Variants in ACTN2 observed in about 807,000 individuals in gnomAD.
ACTN2 encodes the protein alpha-actinin-2.
In ACTN2, 39 loss-of-function variants were observed where a neutral mutation model predicts 113.8. That is an observed-to-expected ratio of 0.34 (90% CI 0.27 to 0.45). The LOEUF is 0.45. Ranked by LOEUF, ACTN2 falls within the 20% of genes least tolerant of loss-of-function variation. ACTN2 has a pLI of 1.00. For synonymous variants in ACTN2, 429 were observed against 444.1 expected (o/e 0.97, Z 0.43); for missense variants, 992 against 1,177.9 (o/e 0.84, Z 2.31).
chr1:236,729,586 G>A (rs146952842), intron 6 of ACTN2, among the ~76,000 whole-genome samples: 1,623 of 152,182 alleles, frequency 0.011, 16 homozygotes, highest in Middle Eastern at 0.017. Flanking sequence ...CTTACCTCCT[G>A]CCCCCAGCCT....
At chr1:236,730,446 C>G (rs1658682427) in intron 6 of ACTN2, among the ~76,000 whole-genome samples, 1 of 152,050 alleles carries the variant, frequency 6.6e-6, no homozygotes, top group African/African-American at 2.4e-5. Context: ...ATTGAAATGA[C>G]TTTGTTATTA....
intron 10 of ACTN2, among the ~76,000 whole-genome samples, chr1:236,741,277 C>T (rs996565433): frequency 5.9e-5 from 9 of 151,436 alleles, no homozygotes; most frequent in Non-Finnish European, 1.3e-4. Context: ...TGGGCTCAAG[C>T]GATCCTCCCA....
At chr1:236,746,074 G>A (rs1299344174) in intron 12 of ACTN2, among the ~76,000 whole-genome samples, 5 of 150,008 alleles carry the variant, frequency 3.3e-5, no homozygotes, top group African/African-American at 7.4e-5. Context: ...GCTGAGGCAG[G>A]AGAATGGTGT....
intron 4 of ACTN2, among the ~76,000 whole-genome samples, chr1:236,724,254 G>C: frequency 6.6e-6 from 1 of 152,120 alleles, no homozygotes; most frequent in Non-Finnish European, 1.5e-5. Flanking sequence ...ACACTAATCC[G>C]ATCATGAGGG....
rs765471221 is a variant in ACTN2, at chr1:236,686,752, G to A, written c.79G>A (p.Asp27Asn). 6.4e-7 allele frequency: 1 copy of A among 1,551,722 alleles called. No individual in the cohort carries two copies. The highest frequency in any genetic ancestry group is 1.9e-5 in the Admixed American group (1 of 53,714). Residue 27 changes from aspartate to asparagine, a missense_variant, in exon 1 of 21, where the codon GAC becomes AAC. Coordinates refer to ENST00000366578, the MANE Select transcript of ACTN2 (RefSeq NM_001103.4). ...GTACATGATCCAGGAGGAGGAGTGGGACCGCGACCTGCTCCTGGACCCAGC... is the reference window on the plus strand; with the variant it reads ...GTACATGATCCAGGAGGAGGAGTGGAACCGCGACCTGCTCCTGGACCCAGC... ...DEYMIQEEEW[D>N]RDLLLDPAWE...
At chr1:236,744,473 C>G (rs1208332422) in intron 11 of ACTN2, among the ~76,000 whole-genome samples, 153 bp from the exon 12 acceptor site, 1 of 152,176 alleles carries the variant, frequency 6.6e-6, no homozygotes, top group African/African-American at 2.4e-5. Flanking sequence ...AGCCTGAATT[C>G]CATCACAACC....
At chr1:236,748,126 A>C (rs1415194958) in intron 13 of ACTN2, 1 of 324,304 alleles carries the variant, frequency 3.1e-6, no homozygotes, top group Non-Finnish European at 5.9e-6. Flanking sequence ...AGATGTGCAA[A>C]GGGAAGATGG....
intron 1 of ACTN2, among the ~76,000 whole-genome samples, chr1:236,695,550 A>G (rs866069271): frequency 1.5e-4 from 21 of 136,180 alleles, no homozygotes; most frequent in African/African-American, 5.1e-4. Flanking sequence ...CCTGAATTTG[A>G]TTTGAAATGA....
chr1:236,725,094 T>C (rs905199454), intron 4 of ACTN2, among the ~76,000 whole-genome samples: 7 of 152,158 alleles, frequency 4.6e-5, no homozygotes, highest in Admixed American at 3.3e-4. Context: ...TTTTTCAGGA[T>C]TGTGTACAGT....
intron 4 of ACTN2, among the ~76,000 whole-genome samples, chr1:236,720,550 C>G (rs1372468096): frequency 1.3e-5 from 2 of 152,200 alleles, no homozygotes; most frequent in African/African-American, 4.8e-5. Context: ...AAAAAAGAAT[C>G]TGTTGCAACC....
intron 8 of ACTN2, chr1:236,736,794 A>G (rs180800257): frequency 1.5e-6 from 1 of 675,750 alleles, no homozygotes; most frequent in East Asian, 2.7e-5. Context: ...CAGGGACCCA[A>G]GATCTTGGTT....
At chr1:236,707,398 C>T (rs1034934314) in intron 1 of ACTN2, among the ~76,000 whole-genome samples, 5 of 152,112 alleles carry the variant, frequency 3.3e-5, no homozygotes, top group African/African-American at 4.8e-5. Flanking sequence ...TTATTGGAGG[C>T]GGAATATCTC....
chr1:236,734,399 C>A, intron 7 of ACTN2: 1 of 1,449,388 alleles, frequency 6.9e-7, no homozygotes, highest in Non-Finnish European at 9.3e-7. Flanking sequence ...GGTATTAGAA[C>A]ATCCACGCGG....
In ACTN2 at chr1:236,721,152, C is replaced by T. The variant is rs534117150; in HGVS notation, c.448+961C>T. On this transcript the variant is annotated intron_variant, in intron 4 of 20. Coordinates refer to ENST00000366578, the MANE Select transcript of ACTN2 (RefSeq NM_001103.4). Reference sequence around the variant, plus strand: ...ACGCCATTCTCCTGCCTCAGCCTCACGAGTAGCTGGGACTACAGGCGCCCA... The same window carrying T: ...ACGCCATTCTCCTGCCTCAGCCTCATGAGTAGCTGGGACTACAGGCGCCCA... Among the ~76,000 whole-genome samples the T allele has an allele frequency of 8.0e-5, 12 of 150,588 alleles. No homozygotes were observed. In the South Asian group the frequency reaches 1.1e-3, roughly 13 times the overall value.
At chr1:236,715,449 T>C (rs1348842335) in intron 1 of ACTN2, among the ~76,000 whole-genome samples, 3 of 151,938 alleles carry the variant, frequency 2.0e-5, no homozygotes, top group African/African-American at 7.3e-5. Flanking sequence ...AAAACTTAAT[T>C]ATCTATAGTG....
At chr1:236,687,474 C>G (rs758472245) in intron 1 of ACTN2, among the ~76,000 whole-genome samples, 5 of 152,208 alleles carry the variant, frequency 3.3e-5, no homozygotes, top group Non-Finnish European at 5.9e-5. Flanking sequence ...TCTTGATCCT[C>G]TTGGCTGGAA....
At chr1:236,753,801 T>TC (rs1659469077) in intron 15 of ACTN2, 146 bp from the exon 16 acceptor site, 1 of 1,003,374 alleles carries the variant, frequency 1.0e-6, no homozygotes, top group South Asian at 1.3e-5. Context: ...CTCCCTATCC[T>TC]CCCTCTTCCT....
intron 8 of ACTN2, 43 bp downstream of exon 8, chr1:236,735,763 T>C (rs1262154736): frequency 1.3e-6 from 2 of 1,541,136 alleles, no homozygotes; most frequent in South Asian, 2.2e-5. Context: ...TTACTCTCTG[T>C]TGGTTTTAGT....
At chr1:236,749,732 CA>C (rs1401952824) in intron 14 of ACTN2, among the ~76,000 whole-genome samples, 4 of 152,098 alleles carry the variant, frequency 2.6e-5, no homozygotes, top group African/African-American at 9.7e-5. Context: ...GCCTGGGAGG[CA>C]GAGGTTGCAG....
Sources: gnomAD v4.1 joint callset for allele counts (sites outside exome capture counted in the v4.1 genomes callset) on GRCh38, gnomAD v4.1.1 for gene constraint, MANE v1.5 for transcripts, NCBI Gene and HGNC (gene_info 2026-07-23, HGNC 2026-07-21) for gene names.